Variants in TGM2 observed in about 807,000 individuals in gnomAD.
TGM2 encodes transglutaminase 2, also known as protein-glutamine gamma-glutamyltransferase 2.
TGM2 carries 53 observed loss-of-function variants against 75.6 expected under a neutral mutation model. That is an observed-to-expected ratio of 0.70 (90% confidence interval 0.56 to 0.88). The LOEUF is 0.88. Among genes scored for constraint, TGM2 ranks in the 40% least tolerant of loss-of-function variants. The probability of loss-of-function intolerance (pLI) is 0.00; values close to 1 mark genes in which losing one functional copy is unlikely to be tolerated. For synonymous variants in TGM2, 374 were observed against 381.1 expected, an observed-to-expected ratio of 0.98 and a Z score of 0.22; for missense variants, 842 against 928.5, an observed-to-expected ratio of 0.91 and a Z score of 1.21.
upstream of TGM2, among the ~76,000 whole-genome samples, chr20:38,165,829 C>T (rs532222669): frequency 1.3e-5 from 2 of 152,026 alleles, no homozygotes; most frequent in African/African-American, 4.8e-5. Flanking sequence ...CACGGCTGGC[C>T]ACGCAGACAC....
At chr20:38,143,999 G>A (rs2075011884) in intron 6 of TGM2, among the ~76,000 whole-genome samples, 2 of 152,202 alleles carry the variant, frequency 1.3e-5, no homozygotes, top group South Asian at 4.1e-4. Flanking sequence ...CCTGGGCAGG[G>A]CTCAGCCCTA....
At chr20:38,138,045 G>C (rs1290601700) in intron 10 of TGM2, 68 bp downstream of exon 10, 3 of 1,515,238 alleles carry the variant, frequency 2.0e-6, no homozygotes, top group Admixed American at 2.0e-5. Context: ...CATGCTAAGT[G>C]GTTAGGTCAC....
At chr20:38,159,934 T>C (rs994097340) in intron 2 of TGM2, among the ~76,000 whole-genome samples, 11 of 152,208 alleles carry the variant, frequency 7.2e-5, no homozygotes, top group African/African-American at 2.7e-4. Context: ...TTAACTGCCA[T>C]GTACCCTAAC....
chr20:38,141,283 T>C lies in TGM2; in HGVS notation c.1098A>G (p.Glu366=). 2 of 1,568,920 alleles carry C rather than the reference T, an allele frequency of 1.3e-6. No homozygotes were observed. Among genetic ancestry groups the C allele is most frequent in the South Asian group, 2.3e-5 (2 of 85,234 alleles). The part of the protein sequence containing the change: ...ALDPTPQEKS[E]GTYCCGPVPV... ...ACGCGACAGTGCCCGCCCACGCACC[T>C]TCGCTCTTCTCCTGGGGCGTTGGGT... Residue 366 remains glutamate, a splice_region_variant and synonymous_variant, in exon 8 of 13, where the codon GAA becomes GAG. Coordinates refer to ENST00000361475, the MANE Select transcript of TGM2 (RefSeq NM_004613.4).
chr20:38,139,736 A>G, intron 8 of TGM2, 82 bp from the exon 9 acceptor site: 2 of 1,576,162 alleles, frequency 1.3e-6, no homozygotes, highest in Non-Finnish European at 1.7e-6. Flanking sequence ...ATTCAATCAC[A>G]TGTAGCCAAA....
chr20:38,137,123 G>A (rs1366519633), intron 10 of TGM2, among the ~76,000 whole-genome samples: 2 of 152,162 alleles, frequency 1.3e-5, no homozygotes, highest in Admixed American at 6.5e-5. Flanking sequence ...CCTTTGGCTC[G>A]CCGATCTGCT....
At chr20:38,150,874 C>T (rs532951842) in intron 4 of TGM2, 65 bp downstream of exon 4, 360 of 1,281,238 alleles carry the variant, frequency 2.8e-4, no homozygotes, top group Non-Finnish European at 1.8e-4. Flanking sequence ...TGGCTGCCCC[C>T]AGACACAGGG....
At chr20:38,139,277 G>A in intron 9 of TGM2, 135 bp downstream of exon 9, 2 of 1,256,638 alleles carry the variant, frequency 1.6e-6, no homozygotes, top group Non-Finnish European at 2.3e-6. Flanking sequence ...GCTGAAGATG[G>A]AGTATAGCCT....
chr20:38,152,948 G>A (rs372842903), intron 3 of TGM2, among the ~76,000 whole-genome samples: 1 of 150,506 alleles, frequency 6.6e-6, no homozygotes, highest in Non-Finnish European at 1.5e-5. Context: ...CGAGGGTGGG[G>A]ACACCGGCGT....
chr20:38,153,528 A>AAAAAAAAAAAAAAAAAG (rs56670550), intron 3 of TGM2, among the ~76,000 whole-genome samples: 1 of 125,246 alleles, frequency 8.0e-6, no homozygotes, highest in Non-Finnish European at 1.6e-5. Flanking sequence ...TGGTCTCAAA[A>AAAAAAAAAAAAAAAAAG]AAAAGAAAAA....
intron 2 of TGM2, among the ~76,000 whole-genome samples, chr20:38,157,318 G>A (rs1368395537): frequency 6.6e-6 from 1 of 150,822 alleles, no homozygotes; most frequent in Non-Finnish European, 1.5e-5. Flanking sequence ...CCCTGTCCAA[G>A]TGCCAGGGGC....
Position 38,132,578 on chromosome 20 carries a change from G to A in TGM2, c.1616-78C>T, listed in dbSNP as rs762381241. The A allele has an allele frequency of 8.2e-6, 13 of 1,578,738 alleles. No individual in the cohort carries two copies. In the East Asian group the frequency reaches 2.7e-4, roughly 33 times the overall value. On this transcript the variant is annotated intron_variant, in intron 10 of 12. Transcript: ENST00000361475. Reference sequence around the variant, plus strand: ...CTCTCTTGCAACTCCAAGAGGCACAGAGAGGGGAAGGAATGTGCTTGGGGT... The same window carrying A: ...CTCTCTTGCAACTCCAAGAGGCACAAAGAGGGGAAGGAATGTGCTTGGGGT...
At chr20:38,139,196 G>T (rs530339596) in intron 9 of TGM2, among the ~76,000 whole-genome samples, 13 of 152,214 alleles carry the variant, frequency 8.5e-5, no homozygotes, top group African/African-American at 3.1e-4. Context: ...CAGTAGCAGA[G>T]AACTCTTTCC....
At chr20:38,153,939 C>T (rs1014156060) in intron 3 of TGM2, among the ~76,000 whole-genome samples, 1 of 152,220 alleles carries the variant, frequency 6.6e-6, no homozygotes, top group Non-Finnish European at 1.5e-5. Flanking sequence ...ACCTTAACCT[C>T]CTGAGTAGTT....
upstream of TGM2, chr20:38,165,303 C>A: frequency 6.4e-7 from 1 of 1,557,410 alleles, no homozygotes; most frequent in East Asian, 2.3e-5. Flanking sequence ...ACTTATAGCC[C>A]GCTTTGGGGC....
At chr20:38,145,162 G>T (rs774526799) in intron 6 of TGM2, among the ~76,000 whole-genome samples, 4 of 152,164 alleles carry the variant, frequency 2.6e-5, no homozygotes, top group Non-Finnish European at 5.9e-5. Flanking sequence ...AGAAGGCAAG[G>T]ACAGCCGAGC....
chr20:38,147,406 A>G (rs1261329124), intron 5 of TGM2, among the ~76,000 whole-genome samples: 1 of 151,916 alleles, frequency 6.6e-6, no homozygotes. Context: ...TCCTTCCTCA[A>G]ACCTGCCAAA....
intron 10 of TGM2, among the ~76,000 whole-genome samples, chr20:38,136,602 T>C (rs544857595): frequency 3.9e-5 from 6 of 152,194 alleles, no homozygotes; most frequent in Non-Finnish European, 8.8e-5. Flanking sequence ...CACAGCGAGA[T>C]GCTGCCCAAA....
intron 9 of TGM2, among the ~76,000 whole-genome samples, chr20:38,138,629 C>A (rs2074930870): frequency 6.6e-6 from 1 of 152,224 alleles, no homozygotes; most frequent in Non-Finnish European, 1.5e-5. Flanking sequence ...TCTGACCACT[C>A]CTTCCCCTGT....
Sources: allele counts gnomAD v4.1 joint callset (sites outside exome capture counted in the v4.1 genomes callset), GRCh38; gene constraint gnomAD v4.1.1; transcripts MANE v1.5; gene names NCBI Gene and HGNC (gene_info 2026-07-23, HGNC 2026-07-21).